LHCGR: variants seen among roughly 807,000 people sequenced by gnomAD.
LHCGR encodes the protein lutropin-choriogonadotropic hormone receptor.
In LHCGR, 55 loss-of-function variants were observed where a neutral mutation model predicts 60.7. The ratio of observed to expected loss-of-function variants is 0.91; its 90% CI spans 0.73 to 1.13. The LOEUF (loss-of-function observed/expected upper bound fraction) is 1.13, where lower values mean the gene tolerates loss of function less well. Among genes scored for constraint, LHCGR ranks in the 50% most tolerant of loss-of-function variants. The pLI is 0.00. For synonymous variants in LHCGR, 337 were observed against 316.5 expected (o/e 1.06, Z -0.69); for missense variants, 862 against 836.0 (o/e 1.03, Z -0.38).
chr2:48,689,931 G>A (rs938606210), intron 10 of LHCGR, among the ~76,000 whole-genome samples: 1 of 152,128 alleles, frequency 6.6e-6, no homozygotes, highest in African/African-American at 2.4e-5. Flanking sequence ...GGCCAGGTTG[G>A]TCTCCATCTC....
At position 48,694,345 on chromosome 2, in the gene LHCGR, A is replaced by C. The variant is rs955038558; in HGVS notation, c.867-41T>G. ...TTAAAAAAAGCATTTGAGCTTTTGG[A>C]CTTCAGGCTAAACCTGACTGTGCGT... On this transcript the variant is annotated intron_variant, in intron 9 of 10. Transcript: ENST00000294954. The C allele has an allele frequency of 6.3e-6, 8 of 1,261,114 alleles. No individual in the cohort carries two copies. In the Admixed American group the frequency reaches 1.3e-4, roughly 21 times the overall value. 78.1% of individuals were successfully genotyped at this position (1,261,114 alleles called of 1,614,324 possible).
At chr2:48,708,029 G>A (rs1443044090) in intron 8 of LHCGR, among the ~76,000 whole-genome samples, 10 of 152,164 alleles carry the variant, frequency 6.6e-5, no homozygotes, top group Non-Finnish European at 1.3e-4. Flanking sequence ...TCTGTGGGCT[G>A]TACCCACTGT....
intron 8 of LHCGR, among the ~76,000 whole-genome samples, chr2:48,703,454 G>T (rs759813527): frequency 1.3e-5 from 2 of 152,078 alleles, no homozygotes; most frequent in African/African-American, 4.8e-5. Flanking sequence ...TTTGTATAAG[G>T]GTTTAAGGAA....
intron 1 of LHCGR, among the ~76,000 whole-genome samples, chr2:48,744,758 G>A (rs1669621057): frequency 6.6e-6 from 1 of 150,454 alleles, no homozygotes; most frequent in Non-Finnish European, 1.5e-5. Flanking sequence ...GAAAACCCAG[G>A]CATTACCATT....
chr2:48,742,299 C>A (rs1316472033), intron 1 of LHCGR, among the ~76,000 whole-genome samples: 2 of 152,142 alleles, frequency 1.3e-5, no homozygotes, highest in Non-Finnish European at 2.9e-5. Flanking sequence ...AGAAAGTCAG[C>A]AAGGATGCCC....
intron 1 of LHCGR, among the ~76,000 whole-genome samples, chr2:48,750,736 G>T (rs1345149379): frequency 6.6e-6 from 1 of 152,200 alleles, no homozygotes; most frequent in African/African-American, 2.4e-5. Context: ...GGAACCCTGA[G>T]TTGAATGACA....
At chr2:48,703,142 G>GT in intron 8 of LHCGR, among the ~76,000 whole-genome samples, 1 of 152,240 alleles carries the variant, frequency 6.6e-6, no homozygotes, top group Non-Finnish European at 1.5e-5. Context: ...TTGTAAATTT[G>GT]TTTAAGTTCT....
intron 9 of LHCGR, among the ~76,000 whole-genome samples, chr2:48,697,078 C>G (rs1667152508): frequency 6.6e-6 from 1 of 152,210 alleles, no homozygotes; most frequent in African/African-American, 2.4e-5. Flanking sequence ...ACCATCATGG[C>G]CCACATCTCC....
rs546472492 is a variant in LHCGR, at chr2:48,689,201, T to A, written c.948-352A>T. 9.2e-5 allele frequency among the ~76,000 whole-genome samples: 14 copies of A among 151,592 alleles called. No individual in the cohort carries two copies. In the South Asian group the frequency reaches 2.5e-3, roughly 27 times the overall value. On this transcript the variant is annotated intron_variant, in intron 10 of 10. Transcript: ENST00000294954. Reference sequence around the variant, plus strand: ...TATACACACATATATATACTATACATACATACATATATATATAACATTGAT... The same window carrying A: ...TATACACACATATATATACTATACAAACATACATATATATATAACATTGAT...
intron 1 of LHCGR, among the ~76,000 whole-genome samples, chr2:48,733,901 C>T (rs944729871): frequency 6.6e-6 from 1 of 152,130 alleles, no homozygotes; most frequent in African/African-American, 2.4e-5. Flanking sequence ...AATGTACTCC[C>T]TTTGAAGGTG....
intron 1 of LHCGR, among the ~76,000 whole-genome samples, chr2:48,751,573 G>C (rs1377089619): frequency 6.6e-6 from 1 of 152,182 alleles, no homozygotes; most frequent in East Asian, 1.9e-4. Context: ...TCTCTTGGGG[G>C]TGTGTTTCCA....
At chr2:48,704,979 G>A (rs915133262) in intron 8 of LHCGR, among the ~76,000 whole-genome samples, 2 of 152,294 alleles carry the variant, frequency 1.3e-5, no homozygotes, top group South Asian at 2.1e-4. Flanking sequence ...TAATTGTGAT[G>A]TTAGGGTGTC....
chr2:48,731,115 C>A (rs550469966), intron 2 of LHCGR, 112 bp downstream of exon 2: 1 of 719,008 alleles, frequency 1.4e-6, no homozygotes, highest in East Asian at 2.6e-5. Flanking sequence ...TGTGAGTATC[C>A]TAAACACAAT....
At chr2:48,699,162 T>A (rs1667279887) in intron 8 of LHCGR, among the ~76,000 whole-genome samples, 1 of 152,096 alleles carries the variant, frequency 6.6e-6, no homozygotes, top group African/African-American at 2.4e-5. Flanking sequence ...AAACCTCCCC[T>A]CAACAATATT....
At position 48,708,543 on chromosome 2, in the gene LHCGR, C is replaced by G. The variant is rs549267933; in HGVS notation, c.680+405G>C. Among the ~76,000 whole-genome samples, 83 of 15,498 alleles carry G rather than the reference C, an allele frequency of 5.4e-3. 1 individual carries two copies. The highest frequency in any genetic ancestry group is 0.014 in the Middle Eastern group (1 of 70). The allele number at this position is 15,498 out of a possible 152,430, so 10.2% of individuals were successfully genotyped here. ...TATTAAAAGGGGCAATTTGGAGATA[C>G]CCACCCACACACACACACACACACA... On this transcript the variant is annotated intron_variant, in intron 8 of 10. Coordinates refer to ENST00000294954, the MANE Select transcript of LHCGR (RefSeq NM_000233.4).
rs980487647 is a variant in LHCGR, at chr2:48,744,892, A to G, written c.161+10619T>C. On this transcript the variant is annotated intron_variant, in intron 1 of 10. Coordinates refer to ENST00000294954, the MANE Select transcript of LHCGR (RefSeq NM_000233.4). ...CTTCTGCACAGCAAAAGAAACTACCATCAGAGGGAACAGGCAACCTACAAA... is the reference window on the plus strand; with the variant it reads ...CTTCTGCACAGCAAAAGAAACTACCGTCAGAGGGAACAGGCAACCTACAAA... 4.6e-3 allele frequency among the ~76,000 whole-genome samples: 694 copies of G among 152,246 alleles called. 4 individuals carry two copies. The highest frequency in any genetic ancestry group is 0.016 in the African/African-American group (664 of 41,548).
intron 2 of LHCGR, among the ~76,000 whole-genome samples, chr2:48,730,217 G>C (rs562320234): frequency 6.6e-6 from 1 of 152,270 alleles, no homozygotes; most frequent in African/African-American, 2.4e-5. Context: ...GATTATTCTT[G>C]GCTGATTCAT....
chr2:48,711,644 C>T (rs1484927078), intron 7 of LHCGR, among the ~76,000 whole-genome samples: 2 of 152,188 alleles, frequency 1.3e-5, no homozygotes, highest in Non-Finnish European at 2.9e-5. Flanking sequence ...CTCACACAGA[C>T]ATACTGTGTT....
intron 1 of LHCGR, among the ~76,000 whole-genome samples, chr2:48,741,754 C>A (rs1333676868): frequency 6.6e-6 from 1 of 151,572 alleles, no homozygotes; most frequent in Non-Finnish European, 1.5e-5. Context: ...AATGTAAAGA[C>A]CATCGAGACT....
Sources: gnomAD v4.1 joint callset for allele counts (sites outside exome capture counted in the v4.1 genomes callset) on GRCh38, gnomAD v4.1.1 for gene constraint, MANE v1.5 for transcripts, NCBI Gene and HGNC (gene_info 2026-07-23, HGNC 2026-07-21) for gene names.